The following KNDC1 variants were observed in gnomAD, a reference collection of about 807,000 sequenced individuals.
KNDC1 encodes the protein kinase non-catalytic C-lobe domain containing 1.
KNDC1 carries 106 observed loss-of-function variants against 172.8 expected under a neutral mutation model. The observed-to-expected ratio is 0.61, with a 90% CI of 0.52 to 0.72. The LOEUF (loss-of-function observed/expected upper bound fraction) is 0.72. KNDC1 is among the 30% of genes least tolerant of loss of function. The pLI is 0.00. For synonymous variants in KNDC1, 1,083 were observed against 1,062.2 expected (o/e 1.02, Z -0.38); for missense variants, 2,325 against 2,394.5 (o/e 0.97, Z 0.61).
chr10:133,162,383 C>G (rs1265113854), intron 1 of KNDC1, among the ~76,000 whole-genome samples: 4 of 152,176 alleles, frequency 2.6e-5, no homozygotes, highest in Non-Finnish European at 4.4e-5. Context: ...TGCCGGAAGG[C>G]CAAGGGTGCA....
chr10:133,179,360 C>T (rs1340866208), intron 3 of KNDC1: 2 of 152,186 alleles, frequency 1.3e-5, no homozygotes, highest in Non-Finnish European at 1.5e-5. Flanking sequence ...GTGGTGGACC[C>T]ACCACGCTGA....
At chr10:133,197,016 G>C in intron 10 of KNDC1, 42 bp from the exon 11 acceptor site, 1 of 1,517,646 alleles carries the variant, frequency 6.6e-7, no homozygotes. Flanking sequence ...TGCAGCCGTG[G>C]CTGAGGCCTG....
intron 1 of KNDC1, among the ~76,000 whole-genome samples, chr10:133,161,917 C>T (rs539101734): frequency 3.3e-5 from 5 of 152,338 alleles, no homozygotes; most frequent in East Asian, 1.9e-4. Flanking sequence ...GCACACAACA[C>T]GCCGCGCCAG....
At chr10:133,168,448 C>G (rs1591219711) in intron 3 of KNDC1, 136 bp downstream of exon 3, 1 of 865,904 alleles carries the variant, frequency 1.2e-6, no homozygotes, top group Non-Finnish European at 1.9e-6. Flanking sequence ...CGCTGCTGCC[C>G]GGTTCACTGG....
At chr10:133,213,374 C>T (rs979210186) in intron 24 of KNDC1, among the ~76,000 whole-genome samples, 1 of 152,224 alleles carries the variant, frequency 6.6e-6, no homozygotes, top group Non-Finnish European at 1.5e-5. Flanking sequence ...CCTGCCATCC[C>T]GGGAGCCCAC....
At chr10:133,212,670 A>AG in intron 23 of KNDC1, 46 bp from the exon 24 acceptor site, 1 of 1,553,130 alleles carries the variant, frequency 6.4e-7, no homozygotes. Context: ...CCTGACCCAG[A>AG]GGGGACACGG....
chr10:133,214,189 C>T, intron 26 of KNDC1, 67 bp downstream of exon 26: 2 of 1,564,806 alleles, frequency 1.3e-6, no homozygotes, highest in South Asian at 2.2e-5. Context: ...GTGGCAGCGC[C>T]TCCTATAAGG....
chr10:133,161,116 C>T (rs1159742600), intron 1 of KNDC1, among the ~76,000 whole-genome samples: 2 of 152,172 alleles, frequency 1.3e-5, no homozygotes, highest in Admixed American at 6.5e-5. Flanking sequence ...CATCTGCATA[C>T]CCTGGCGCTT....
chr10:133,175,970 A>C (rs1255873231), intron 3 of KNDC1, among the ~76,000 whole-genome samples: 2 of 141,962 alleles, frequency 1.4e-5, no homozygotes, highest in African/African-American at 5.3e-5. Context: ...GGATGGATGG[A>C]TGGATGGGTG....
chr10:133,186,891 C>T (rs1159938486), intron 6 of KNDC1, among the ~76,000 whole-genome samples: 14 of 152,314 alleles, frequency 9.2e-5, no homozygotes, highest in Admixed American at 9.1e-4. Flanking sequence ...CTCGGGTAGA[C>T]GTTTGCCTCT....
At chr10:133,213,884 C>T in intron 25 of KNDC1, 88 bp from the exon 26 acceptor site, 1 of 1,559,692 alleles carries the variant, frequency 6.4e-7, no homozygotes, top group Non-Finnish European at 8.8e-7. Context: ...GTGGCCCGAC[C>T]CCAGCCCACC....
intron 5 of KNDC1, 85 bp downstream of exon 5, chr10:133,184,074 A>G (rs1853806779): frequency 2.8e-6 from 2 of 710,984 alleles, no homozygotes; most frequent in Admixed American, 2.4e-5. Flanking sequence ...CTGCAAACAC[A>G]CCCATGCACA....
rs759464378 is a variant in KNDC1 at position 133,198,582 on chromosome 10, C to A, written c.2074C>A (p.Gln692Lys). Residue 692 changes from glutamine to lysine, a missense_variant, in exon 14 of 30, where the codon CAG (glutamine) becomes AAG (lysine). By Grantham distance (53) the Gln-to-Lys change is moderately conservative. Coordinates refer to ENST00000304613, the MANE Select transcript of KNDC1 (RefSeq NM_152643.8). ...LAQNASVARD[Q>K]PALAQEESEE... Reference sequence around the variant, plus strand: ...TGAGCTCTGCTCCTCCCGTAGGGACCAGCCTGCCTTGGCCCAGGAGGAGTC... The same window carrying A: ...TGAGCTCTGCTCCTCCCGTAGGGACAAGCCTGCCTTGGCCCAGGAGGAGTC... 1 of 1,587,822 alleles carries A rather than the reference C, an allele frequency of 6.3e-7. No homozygotes were observed.
Position 133,206,677 on chromosome 10 carries a change from G to A in KNDC1, c.3388-8G>A, listed in dbSNP as rs200531746. 8.1e-5 allele frequency: 131 copies of A among 1,612,812 alleles called. No individual in the cohort carries two copies. The highest frequency in any genetic ancestry group is 4.9e-4 in the Middle Eastern group (3 of 6,064). The stretch of plus-strand genomic sequence containing the variant: ...GCCTGGGGCTTAGGCGCTGTGTTTC[G>A]TCCCCAGGAGCTGGAACAGCAGCTC... On this transcript the variant is annotated splice_polypyrimidine_tract_variant and splice_region_variant and intron_variant, in intron 17 of 29. Coordinates refer to ENST00000304613, the MANE Select transcript of KNDC1 (RefSeq NM_152643.8).
In KNDC1 at chr10:133,163,992, CCAAATCCCTCCTCCCA is replaced by C. The variant is rs1853065295; in HGVS notation, c.103-3387_103-3372del. Reference sequence around the variant, plus strand: ...GTGGAGTTCGTGGCCACCTGCCTTCCCAAATCCCTCCTCCCACGTGGGATGGGGGTGGAGTTCATGT... The same window carrying C: ...GTGGAGTTCGTGGCCACCTGCCTTCCCGTGGGATGGGGGTGGAGTTCATGT... On this transcript the variant is annotated intron_variant, in intron 1 of 29. Transcript: ENST00000304613. The surrounding 1 kb of genome is among the most constrained non-coding windows in gnomAD (Gnocchi z 4.4). 1.6e-5 allele frequency among the ~76,000 whole-genome samples: 2 copies of C among 123,196 alleles called. No individual in the cohort carries two copies. The highest frequency in any genetic ancestry group is 6.3e-5 in the African/African-American group (2 of 31,630). 80.8% of individuals were successfully genotyped at this position (123,196 alleles called of 152,430 possible).
At position 133,212,800 on chromosome 10, in the gene KNDC1, C is replaced by G; in HGVS notation, c.4321C>G (p.Pro1441Ala). 1 of 1,614,000 alleles carries G rather than the reference C, an allele frequency of 6.2e-7. No individual in the cohort carries two copies. Among genetic ancestry groups the G allele is most frequent in the Admixed American group, 1.7e-5 (1 of 60,024 alleles). The change falls in exon 24 of 30, where the codon CCC becomes GCC. Residue 1441 changes from proline to alanine, a missense_variant. Pro to Ala is a conservative substitution (Grantham distance 27, BLOSUM62 -1). Coordinates refer to ENST00000304613, the MANE Select transcript of KNDC1 (RefSeq NM_152643.8). The part of the protein sequence containing the change: ...ERPYTIAAAL[P>A]KPCFLEDFYG... ...CCCCTACACCATTGCTGCCGCCCTG[C>G]CCAAGCCCTGCTTCCTCGAGGACTT...
At chr10:133,178,730 C>G (rs557854385) in intron 3 of KNDC1, 1 of 152,442 alleles carries the variant, frequency 6.6e-6, no homozygotes, top group Middle Eastern at 3.4e-3. Flanking sequence ...TGTTGAAAAC[C>G]TGGTGGTTTG....
chr10:133,188,500 G>A lies in KNDC1; in HGVS notation c.1327-39G>A, dbSNP rs767732449. 31 of 1,373,204 alleles carry A rather than the reference G, an allele frequency of 2.3e-5. No homozygotes were observed. In the South Asian group the frequency reaches 4.0e-4, roughly 18 times the overall value. The allele number at this position is 1,373,204 out of a possible 1,614,324, so 85.1% of individuals were successfully genotyped here. On this transcript the variant is annotated intron_variant, in intron 6 of 29. Transcript: ENST00000304613. ...CTCTCCAGGCGGCGGGCCCTGGCAA[G>A]GGGTGTCCACACTGACCTCGCCGCT...
Position 133,166,380 on chromosome 10 carries a change from C to T in KNDC1, c.103-1001C>T, listed in dbSNP as rs1015050168. Among the ~76,000 whole-genome samples, 35 of 152,298 alleles carry T rather than the reference C, an allele frequency of 2.3e-4. 1 individual carries two copies. The highest frequency in any genetic ancestry group is 2.6e-4 in the Non-Finnish European group (18 of 68,010). ...CTTCAGCTCCATACTCGGGTGCGTGCGAGTGTGGATTGTGCAGCCTTGTGT... is the reference window on the plus strand; with the variant it reads ...CTTCAGCTCCATACTCGGGTGCGTGTGAGTGTGGATTGTGCAGCCTTGTGT... On this transcript the variant is annotated intron_variant, in intron 1 of 29. Coordinates refer to ENST00000304613, the MANE Select transcript of KNDC1 (RefSeq NM_152643.8).
Sources: gnomAD v4.1 joint callset for allele counts (sites outside exome capture counted in the v4.1 genomes callset) on GRCh38, gnomAD v4.1.1 for gene constraint, Gnocchi (gnomAD v3.1) non-coding constraint, MANE v1.5 for transcripts, NCBI Gene and HGNC (gene_info 2026-07-23, HGNC 2026-07-21) for gene names.